Variants in ATP2A2 observed in about 807,000 individuals in gnomAD.
ATP2A2 encodes the protein ATPase sarcoplasmic/endoplasmic reticulum Ca2+ transporting 2, also known as sarcoplasmic/endoplasmic reticulum calcium ATPase 2.
A neutral mutation model predicts 109.3 loss-of-function variants in ATP2A2; 14 were observed. That is an observed-to-expected ratio of 0.13 (90% CI 0.08 to 0.20). The LOEUF is 0.20. Ranked by LOEUF, ATP2A2 falls within the 10% of genes least tolerant of loss-of-function variation. The probability of loss-of-function intolerance (pLI) is 1.00; values close to 1 mark genes in which losing one functional copy is unlikely to be tolerated. For synonymous variants in ATP2A2, 506 were observed against 490.9 expected (o/e 1.03, Z -0.41); for missense variants, 657 against 1,321.6 (o/e 0.50, Z 7.80).
At position 110,340,007 on chromosome 12, in the gene ATP2A2, A is replaced by AT. The variant is rs1216147008; in HGVS notation, c.1761+294dup. On this transcript the variant is annotated intron_variant, in intron 13 of 19. Transcript: ENST00000539276. This position sits in a 1 kb window ranked among gnomAD's most constrained non-coding sequence, Gnocchi z 6.0. The stretch of plus-strand genomic sequence containing the variant: ...CATTTTGCCTCTCATCTAAATCATG[A>AT]TTTTTTTTAAATTGGTGACATTTCT... 6.6e-6 allele frequency among the ~76,000 whole-genome samples: 1 copy of AT among 152,086 alleles called. No homozygotes were observed. The highest frequency in any genetic ancestry group is 1.5e-5 in the Non-Finnish European group (1 of 68,010).
intron 8 of ATP2A2, among the ~76,000 whole-genome samples, chr12:110,328,556 A>G (rs1329431296): frequency 6.6e-6 from 1 of 152,150 alleles, no homozygotes; most frequent in East Asian, 1.9e-4. Context: ...GCGACAAGCA[A>G]GACTCCATCT....
chr12:110,322,364 G>C (rs1011373260), intron 5 of ATP2A2, among the ~76,000 whole-genome samples: 4 of 151,972 alleles, frequency 2.6e-5, no homozygotes, highest in African/African-American at 9.7e-5. Flanking sequence ...CCCAGGTGGT[G>C]TGCACCTGTA....
chr12:110,329,724 C>T (rs1226634033), intron 8 of ATP2A2: 1 of 152,152 alleles, frequency 6.6e-6, no homozygotes, highest in Non-Finnish European at 1.5e-5. Context: ...GCCCGGCCAT[C>T]CTATATTTTT....
chr12:110,309,175 T>G (rs1420857658), intron 5 of ATP2A2, among the ~76,000 whole-genome samples: 1 of 125,406 alleles, frequency 8.0e-6, no homozygotes, highest in Non-Finnish European at 1.7e-5. Flanking sequence ...TTTTTTTTTT[T>G]GAGATGGAAT....
intron 6 of ATP2A2, 70 bp from the exon 7 acceptor site, chr12:110,326,320 T>C: frequency 1.4e-6 from 2 of 1,401,300 alleles, no homozygotes; most frequent in South Asian, 2.4e-5. Context: ...TGGGTGGGCA[T>C]GAATGAGAGG....
At chr12:110,294,683 ATTC>A (rs1873776138) in intron 4 of ATP2A2, among the ~76,000 whole-genome samples, 1 of 152,182 alleles carries the variant, frequency 6.6e-6, no homozygotes, top group Non-Finnish European at 1.5e-5. Context: ...AAAAAAGAAC[ATTC>A]TTAAGTCTTT....
intron 8 of ATP2A2, among the ~76,000 whole-genome samples, chr12:110,329,005 C>T (rs1209967339): frequency 6.6e-6 from 1 of 152,156 alleles, no homozygotes; most frequent in East Asian, 1.9e-4. Context: ...TGCTTTTTCT[C>T]AAAAAGTAGA....
rs80157232 is a variant in ATP2A2, at chr12:110,301,722, C to T, written c.463+4985C>T. ...TGCTAAAAAACCCTTAAGGGACTTC[C>T]CCATTGCACTTAAAATACAAAATTC... On this transcript the variant is annotated intron_variant, in intron 5 of 19. Coordinates refer to ENST00000539276, the MANE Select transcript of ATP2A2 (RefSeq NM_170665.4). 8.1e-3 allele frequency among the ~76,000 whole-genome samples: 1,231 copies of T among 152,280 alleles called. 1 individual carries two copies. Among genetic ancestry groups the T allele is most frequent in the Non-Finnish European group, 9.5e-3 (643 of 68,018 alleles).
At position 110,327,831 on chromosome 12, in the gene ATP2A2, T is replaced by A; in HGVS notation, c.909T>A (p.Ala303=). 3 of 1,614,202 alleles carry A rather than the reference T, an allele frequency of 1.9e-6. No homozygotes were observed. Among genetic ancestry groups the A allele is most frequent in the South Asian group, 1.1e-5 (1 of 91,082 alleles). ...IYYFKIAVAL[A]VAAIPEGLPA... is the part of the protein sequence containing the mutation. ...ACTTTAAAATTGCAGTGGCCCTGGC[T>A]GTAGCAGCCATTCCTGAAGGTCTGC... The change falls in exon 8 of 20, where the codon GCT becomes GCA. Residue 303 remains alanine (A), a synonymous_variant. Transcript: ENST00000539276. This position sits in a 1 kb window ranked among gnomAD's most constrained non-coding sequence, Gnocchi z 4.4.
Position 110,346,828 on chromosome 12 carries a change from G to T in ATP2A2, c.*358G>T. On this transcript the variant is annotated 3_prime_UTR_variant, in exon 20 of 20. Transcript: ENST00000539276. ...TAATTGGCAGCAGATTTTAGGAAAT[G>T]AATGTGTGTGGTTTTTTTTCTAAAA... is the stretch of plus-strand genomic sequence containing the variant. 5.3e-6 allele frequency: 6 copies of T among 1,130,666 alleles called. No individual in the cohort carries two copies. Among genetic ancestry groups the T allele is most frequent in the Non-Finnish European group, 6.5e-6 (6 of 917,796 alleles). 70.0% of individuals were successfully genotyped at this position (1,130,666 alleles called of 1,614,324 possible).
chr12:110,334,763 A>G (rs928323400), intron 11 of ATP2A2, among the ~76,000 whole-genome samples: 2 of 151,188 alleles, frequency 1.3e-5, no homozygotes, highest in South Asian at 4.2e-4. Context: ...AATTTTTTGT[A>G]TTTTTCGTAG....
Position 110,346,100 on chromosome 12 carries a change from C to T in ATP2A2, c.2841C>T (p.Leu947=). 3 of 1,614,186 alleles carry T rather than the reference C, an allele frequency of 1.9e-6. No homozygotes were observed. The highest frequency in any genetic ancestry group is 1.3e-5 in the African/African-American group (1 of 75,044). Residue 947 remains leucine, a synonymous_variant, in exon 19 of 20, where the codon CTC becomes CTT. Coordinates refer to ENST00000539276, the MANE Select transcript of ATP2A2 (RefSeq NM_170665.4). ...CLSMSLHFLI[L]YVEPLPLIFQ... is the part of the protein sequence containing the mutation. ...CCATGTCACTCCACTTCCTGATCCT[C>T]TATGTCGAACCCTTGCCAGTAAGTG... is the stretch of plus-strand genomic sequence containing the variant.
At chr12:110,285,189 G>C (rs1314943647) in intron 3 of ATP2A2, among the ~76,000 whole-genome samples, 1 of 152,190 alleles carries the variant, frequency 6.6e-6, no homozygotes, top group Non-Finnish European at 1.5e-5. Context: ...CTGTGGCATA[G>C]AATAGGAAGC....
intron 5 of ATP2A2, among the ~76,000 whole-genome samples, chr12:110,306,746 G>T (rs1421172417): frequency 6.6e-6 from 1 of 151,864 alleles, no homozygotes; most frequent in Admixed American, 6.6e-5. Flanking sequence ...ATTTATTTTT[G>T]AGATAGGGTC....
intron 5 of ATP2A2, among the ~76,000 whole-genome samples, chr12:110,304,567 A>G (rs979706464): frequency 2.6e-5 from 4 of 152,216 alleles, no homozygotes; most frequent in African/African-American, 9.7e-5. Flanking sequence ...GCTATTGTCC[A>G]TCGGTGTGTT....
intron 5 of ATP2A2, among the ~76,000 whole-genome samples, chr12:110,305,537 T>G (rs1164559345): frequency 6.6e-6 from 1 of 152,250 alleles, no homozygotes; most frequent in East Asian, 1.9e-4. Flanking sequence ...TCCTGCAACC[T>G]TTGTGAAAAA....
chr12:110,297,386 A>T (rs12828525), intron 5 of ATP2A2, among the ~76,000 whole-genome samples: 1 of 148,004 alleles, frequency 6.8e-6, no homozygotes. Flanking sequence ...CAGTGAGCTG[A>T]GATCGCACCA....
At chr12:110,302,908 T>C (rs1874836879) in intron 5 of ATP2A2, among the ~76,000 whole-genome samples, 1 of 152,196 alleles carries the variant, frequency 6.6e-6, no homozygotes, top group Non-Finnish European at 1.5e-5. Flanking sequence ...ATTATTATTT[T>C]AGTTAAGCCC....
rs1484877171 is a variant in ATP2A2 at position 110,334,117 on chromosome 12, A to C, written c.1393A>C (p.Ile465Leu). ...TACCGAATTGAAGGGTCTTTCTAAA[A>C]TAGAACGTGCAAATGCCTGCAACTC... ...FDTELKGLSK[I>L]ERANACNSVI... The change falls in exon 11 of 20, where the codon ATA (isoleucine) becomes CTA (leucine). Residue 465 changes from isoleucine to leucine, a missense_variant. Around this residue, in one of 9 missense-constraint regions of ATP2A2, gnomAD observed 180 missense variants for 329.1 expected, o/e 0.55. Coordinates refer to ENST00000539276, the MANE Select transcript of ATP2A2 (RefSeq NM_170665.4). 6 of 1,613,966 alleles carry C rather than the reference A, an allele frequency of 3.7e-6. No homozygotes were observed. The highest frequency in any genetic ancestry group is 5.1e-6 in the Non-Finnish European group (6 of 1,180,042).
Sources: gnomAD v4.1 joint callset for allele counts (sites outside exome capture counted in the v4.1 genomes callset) on GRCh38, gnomAD v4.1.1 for gene constraint, gnomAD v4.1.1 regional missense constraint, Gnocchi (gnomAD v3.1) non-coding constraint, MANE v1.5 for transcripts, NCBI Gene and HGNC (gene_info 2026-07-23, HGNC 2026-07-21) for gene names.